The following SERP2 variants were observed in gnomAD, a reference collection of about 807,000 sequenced individuals.
SERP2 encodes stress associated endoplasmic reticulum protein family member 2, also known as stress-associated endoplasmic reticulum protein 2.
A neutral mutation model predicts 9.1 loss-of-function variants in SERP2; 6 were observed. The observed-to-expected ratio is 0.66, with a 90% confidence interval of 0.36 to 1.30. The LOEUF (loss-of-function observed/expected upper bound fraction) is 1.30, where lower values mean the gene tolerates loss of function less well. Ranked by LOEUF, SERP2 falls within the 50% of genes most tolerant of loss-of-function variation. The pLI, the probability that SERP2 is intolerant of heterozygous loss-of-function variation, is 0.03. For missense variants in SERP2, 58 were observed against 81.9 expected (o/e 0.71, Z 1.13); for synonymous variants, 37 against 27.3 (o/e 1.35, Z -1.10).
chr13:44,395,970 T>G (rs1873078939), intron 2 of SERP2: 2 of 409,754 alleles, frequency 4.9e-6, no homozygotes, highest in South Asian at 3.7e-5. Flanking sequence ...ACACGCAGCC[T>G]CCTCTGTAAT....
rs760513486 is a variant in SERP2 at position 44,392,196 on chromosome 13, C to CAAAAA, written c.158-5063_158-5059dup. 6.9e-4 allele frequency among the ~76,000 whole-genome samples: 25 copies of CAAAAA among 35,986 alleles called. 2 individuals are homozygous for CAAAAA. Among genetic ancestry groups the CAAAAA allele is most frequent in the South Asian group, 1.9e-3 (1 of 532 alleles). The allele number at this position is 35,986 out of a possible 152,430, so 23.6% of individuals were successfully genotyped here. A position where few individuals can be genotyped will look rare whatever the true frequency, so the allele number is the denominator to read the frequency against. Reference sequence around the variant, plus strand: ...CTGGTGACAGAGTGAGACTCTGTCTCAAAAAAAAAAAAAAAAAGCCCTGTG... The same window carrying CAAAAA: ...CTGGTGACAGAGTGAGACTCTGTCTCAAAAAAAAAAAAAAAAAAAAAAGCCCTGTG... On this transcript the variant is annotated intron_variant, in intron 2 of 2. Transcript: ENST00000379179.
At chr13:44,392,885 A>G (rs546687476) in intron 2 of SERP2, among the ~76,000 whole-genome samples, 1 of 152,230 alleles carries the variant, frequency 6.6e-6, no homozygotes, top group Non-Finnish European at 1.5e-5. Flanking sequence ...ACGTAAGGAG[A>G]AGAAAGCCAG....
intron 2 of SERP2, among the ~76,000 whole-genome samples, chr13:44,388,322 A>G (rs1595054523): frequency 7.3e-6 from 1 of 137,766 alleles, no homozygotes; most frequent in African/African-American, 2.8e-5. Flanking sequence ...GTGAATGTGT[A>G]TGTGTTAGTG....
chr13:44,378,569 G>A (rs1259562157), intron 1 of SERP2, among the ~76,000 whole-genome samples: 1 of 152,120 alleles, frequency 6.6e-6, no homozygotes, highest in African/African-American at 2.4e-5. Flanking sequence ...CTACCAACAC[G>A]TTTTTCTTTG....
intron 1 of SERP2, among the ~76,000 whole-genome samples, chr13:44,378,154 G>T (rs1871767761): frequency 6.6e-6 from 1 of 152,164 alleles, no homozygotes; most frequent in Non-Finnish European, 1.5e-5. Context: ...TGAGAAGCCA[G>T]TTTACATTTA....
At chr13:44,395,528 G>A (rs760468957) in intron 2 of SERP2, among the ~76,000 whole-genome samples, 11 of 150,874 alleles carry the variant, frequency 7.3e-5, no homozygotes, top group Non-Finnish European at 1.0e-4. Context: ...GGCGTGAACC[G>A]GGGAGGCGGA....
At chr13:44,381,628 TG>T (rs1276627543) in intron 2 of SERP2, among the ~76,000 whole-genome samples, 1 of 152,226 alleles carries the variant, frequency 6.6e-6, no homozygotes, top group Non-Finnish European at 1.5e-5. Flanking sequence ...TCACTGCCCT[TG>T]ATTTTGCTCA....
At chr13:44,392,042 A>G (rs1409371795) in intron 2 of SERP2, among the ~76,000 whole-genome samples, 7 of 151,258 alleles carry the variant, frequency 4.6e-5, no homozygotes, top group Admixed American at 4.0e-4. Flanking sequence ...TAAAAATACA[A>G]AAAAAATTAG....
intron 2 of SERP2, among the ~76,000 whole-genome samples, chr13:44,394,400 G>T (rs1872962988): frequency 6.6e-6 from 1 of 152,188 alleles, no homozygotes; most frequent in South Asian, 2.1e-4. Context: ...TGAGATTACA[G>T]GCATGAGCCA....
At chr13:44,390,557 A>G (rs1421675471) in intron 2 of SERP2, 4 of 403,170 alleles carry the variant, frequency 9.9e-6, no homozygotes, top group Non-Finnish European at 2.0e-5. Context: ...AAGACATCTC[A>G]TCAGCCATCA....
At chr13:44,374,158 GTGGGGCGGAA>G in intron 1 of SERP2, 49 bp downstream of exon 1, 3 of 1,021,990 alleles carry the variant, frequency 2.9e-6, no homozygotes, top group Non-Finnish European at 4.1e-6. Context: ...GCCCGGCGGG[GTGGGGCGGAA>G]GGTGGGGGCG....
intron 2 of SERP2, 126 bp downstream of exon 2, chr13:44,379,839 A>G (rs1871865141): frequency 1.6e-6 from 1 of 637,222 alleles, no homozygotes. Context: ...CACTGCCTTA[A>G]GCCTTAATCT....
chr13:44,396,235 C>T (rs1469378663), intron 2 of SERP2, among the ~76,000 whole-genome samples: 1 of 152,116 alleles, frequency 6.6e-6, no homozygotes, highest in Non-Finnish European at 1.5e-5. Flanking sequence ...GTGTCTGACA[C>T]ATAGGATGTG....
chr13:44,391,574 G>C (rs1467061722), intron 2 of SERP2, among the ~76,000 whole-genome samples: 1 of 152,182 alleles, frequency 6.6e-6, no homozygotes, highest in Non-Finnish European at 1.5e-5. Flanking sequence ...CAATGTAAAG[G>C]AGAGGCACAT....
chr13:44,390,962 A>G (rs1342217152), intron 2 of SERP2: 1 of 152,268 alleles, frequency 6.6e-6, no homozygotes, highest in Non-Finnish European at 1.5e-5. Flanking sequence ...GCAAAACTGT[A>G]TGATTTCTAG....
At position 44,397,565 on chromosome 13, in the gene SERP2, T is replaced by TC; in HGVS notation, c.*255dup. 1 of 547,460 alleles carries TC rather than the reference T, an allele frequency of 1.8e-6. No homozygotes were observed. Among genetic ancestry groups the TC allele is most frequent in the South Asian group, 2.1e-5 (1 of 47,998 alleles). 33.9% of individuals were successfully genotyped at this position (547,460 alleles called of 1,614,324 possible). A position where few individuals can be genotyped will look rare whatever the true frequency, so the allele number is the denominator to read the frequency against. ...GCAGGATTAGTAGCCACGCGGGTCG[T>TC]CCGCAGCAGTGCTGTTTTTTTGGTT... On this transcript the variant is annotated 3_prime_UTR_variant, in exon 3 of 3. Transcript: ENST00000379179.
chr13:44,383,308 T>G (rs1322331062), intron 2 of SERP2, among the ~76,000 whole-genome samples: 1 of 152,186 alleles, frequency 6.6e-6, no homozygotes, highest in Non-Finnish European at 1.5e-5. Context: ...TGGCGTGGCT[T>G]ATTTTTCTCA....
chr13:44,373,653 C>T (rs1178333514), upstream of SERP2: 2 of 211,156 alleles, frequency 9.5e-6, no homozygotes, highest in Admixed American at 6.2e-5. This position sits in a 1 kb window ranked among gnomAD's most constrained non-coding sequence, Gnocchi z 4.8. Flanking sequence ...CCGCAGCATT[C>T]GGCTACAGGA....
chr13:44,395,019 T>C (rs1372986292), intron 2 of SERP2, among the ~76,000 whole-genome samples: 1 of 152,250 alleles, frequency 6.6e-6, no homozygotes, highest in Non-Finnish European at 1.5e-5. Context: ...AGAGCTGATA[T>C]TCAACCCAAT....
Sources: gnomAD v4.1 joint callset for allele counts (sites outside exome capture counted in the v4.1 genomes callset) on GRCh38, gnomAD v4.1.1 for gene constraint, Gnocchi (gnomAD v3.1) non-coding constraint, MANE v1.5 for transcripts, NCBI Gene and HGNC (gene_info 2026-07-23, HGNC 2026-07-21) for gene names.